The following KCNH1 variants were observed in gnomAD, a reference collection of about 807,000 sequenced individuals.
KCNH1 encodes potassium voltage-gated channel subfamily H member 1, also known as voltage-gated delayed rectifier potassium channel KCNH1.
In KCNH1, 27 loss-of-function variants were observed where a neutral mutation model predicts 69.2. That is an observed-to-expected ratio of 0.39 (90% CI 0.29 to 0.54). The LOEUF (loss-of-function observed/expected upper bound fraction) is 0.54. Ranked by LOEUF, KCNH1 falls within the 20% of genes least tolerant of loss-of-function variation. The pLI is 0.68. For missense variants in KCNH1, 798 were observed against 1,261.6 expected, an observed-to-expected ratio of 0.63 and a Z score of 5.57; for synonymous variants, 456 against 487.7, an observed-to-expected ratio of 0.93 and a Z score of 0.86.
chr1:211,005,725 A>G (rs1413110310), intron 6 of KCNH1, among the ~76,000 whole-genome samples: 1 of 152,190 alleles, frequency 6.6e-6, no homozygotes, highest in Non-Finnish European at 1.5e-5. Flanking sequence ...AAAGCACATA[A>G]ATGAAAAATT....
chr1:210,990,216 T>C (rs896634188), intron 6 of KCNH1, among the ~76,000 whole-genome samples: 1 of 152,228 alleles, frequency 6.6e-6, no homozygotes, highest in Non-Finnish European at 1.5e-5. Flanking sequence ...TCCAGAGATT[T>C]ATACAGCAAG....
chr1:210,986,211 C>A (rs545015169), intron 6 of KCNH1, among the ~76,000 whole-genome samples: 55 of 152,310 alleles, frequency 3.6e-4, no homozygotes, highest in Middle Eastern at 3.4e-3. Flanking sequence ...GAATACAGCA[C>A]ACTGATGGGT....
intron 6 of KCNH1, among the ~76,000 whole-genome samples, chr1:210,993,615 A>G (rs758768170): frequency 6.6e-6 from 1 of 152,240 alleles, no homozygotes; most frequent in Non-Finnish European, 1.5e-5. Context: ...ATTCCCATGA[A>G]AAGTTTTAAT....
intron 10 of KCNH1, among the ~76,000 whole-genome samples, chr1:210,773,384 A>G (rs1184670679): frequency 6.6e-6 from 1 of 152,154 alleles, no homozygotes; most frequent in African/African-American, 2.4e-5. Flanking sequence ...ATCCTCAAAT[A>G]TTTATTAATT....
At chr1:211,052,371 A>G (rs1331060366) in intron 5 of KCNH1, among the ~76,000 whole-genome samples, 1 of 152,196 alleles carries the variant, frequency 6.6e-6, no homozygotes, top group Non-Finnish European at 1.5e-5. Flanking sequence ...CTTACAACCT[A>G]CAGTCACAGC....
chr1:210,984,346 T>C (rs1295520577), intron 6 of KCNH1, among the ~76,000 whole-genome samples: 1 of 152,226 alleles, frequency 6.6e-6, no homozygotes, highest in Non-Finnish European at 1.5e-5. Context: ...ATCCCTGTCT[T>C]GTGCCAGTTT....
chr1:210,928,335 A>G (rs1391535728), intron 6 of KCNH1, among the ~76,000 whole-genome samples: 1 of 152,226 alleles, frequency 6.6e-6, no homozygotes, highest in Non-Finnish European at 1.5e-5. Flanking sequence ...GGCCTCAGTA[A>G]AATTAAGAAA....
intron 6 of KCNH1, among the ~76,000 whole-genome samples, chr1:210,925,458 G>T (rs1466196544): frequency 6.6e-6 from 1 of 152,220 alleles, no homozygotes; most frequent in Non-Finnish European, 1.5e-5. Context: ...TCAGTAGGGA[G>T]GCTCACGGCC....
chr1:210,840,126 C>G (rs1244662765), intron 7 of KCNH1, among the ~76,000 whole-genome samples: 1 of 152,160 alleles, frequency 6.6e-6, no homozygotes, highest in African/African-American at 2.4e-5. Context: ...GACAAAATGT[C>G]TCTCAACCAC....
At chr1:211,035,523 C>T (rs912882118) in intron 5 of KCNH1, among the ~76,000 whole-genome samples, 19 of 151,778 alleles carry the variant, frequency 1.3e-4, no homozygotes, top group South Asian at 4.2e-4. Flanking sequence ...GCTGGGATTA[C>T]GGGTACTGGC....
intron 7 of KCNH1, among the ~76,000 whole-genome samples, chr1:210,824,992 T>C (rs1022754985): frequency 6.6e-6 from 1 of 152,224 alleles, no homozygotes; most frequent in South Asian, 2.1e-4. Flanking sequence ...AGTCTTTTTA[T>C]TGGAAACTAT....
At position 210,943,147 on chromosome 1, in the gene KCNH1, T is replaced by C. The variant is rs528895121; in HGVS notation, c.1033-23078A>G. Among the ~76,000 whole-genome samples the C allele has an allele frequency of 2.0e-5, 3 of 152,240 alleles. No homozygotes were observed. The South Asian group carries it at 6.2e-4, about 32-fold the overall frequency. On this transcript the variant is annotated intron_variant, in intron 6 of 10. Coordinates refer to ENST00000271751, the MANE Select transcript of KCNH1 (RefSeq NM_172362.3). ...TAATGAACTGTTGGACAAGCCGCCA[T>C]GAGGATGAGTTCTGTTGATTACAAT...
intron 10 of KCNH1, among the ~76,000 whole-genome samples, chr1:210,698,190 T>C (rs1333381060): frequency 6.6e-6 from 1 of 152,184 alleles, no homozygotes; most frequent in Non-Finnish European, 1.5e-5. Flanking sequence ...ACCTATAAGC[T>C]ACCCAGCCCA....
intron 1 of KCNH1, among the ~76,000 whole-genome samples, chr1:211,118,747 T>C (rs1336365684): frequency 6.6e-6 from 1 of 152,178 alleles, no homozygotes; most frequent in Non-Finnish European, 1.5e-5. Context: ...CCATAAAGCA[T>C]AACACAGAGA....
intron 6 of KCNH1, among the ~76,000 whole-genome samples, chr1:210,995,229 G>A (rs558625426): frequency 3.9e-5 from 6 of 152,090 alleles, no homozygotes; most frequent in Admixed American, 6.5e-5. Context: ...GATTCAAGAG[G>A]CTTATATTTT....
chr1:210,795,801 C>A (rs1684298937), intron 9 of KCNH1, among the ~76,000 whole-genome samples: 1 of 152,022 alleles, frequency 6.6e-6, no homozygotes, highest in African/African-American at 2.4e-5. Context: ...CAGTACCTGG[C>A]AACTTAATGG....
In KCNH1 at chr1:210,870,213, C is replaced by T. The variant is rs77071264; in HGVS notation, c.1462+49427G>A. 1.1e-4 allele frequency among the ~76,000 whole-genome samples: 17 copies of T among 152,188 alleles called. No individual in the cohort carries two copies. The East Asian group carries it at 3.3e-3, about 29-fold the overall frequency. ...GTTTACAGTAAGAGAATAAGTCCAA[C>T]TCCATTCACTCTCTTGTGTCTGGAA... is the stretch of plus-strand genomic sequence containing the variant. On this transcript the variant is annotated intron_variant, in intron 7 of 10. Transcript: ENST00000271751.
chr1:210,734,555 C>T (rs920558425), intron 10 of KCNH1, among the ~76,000 whole-genome samples: 3 of 152,130 alleles, frequency 2.0e-5, no homozygotes, highest in Non-Finnish European at 2.9e-5. Context: ...TATAATCCCC[C>T]GCCACCCCCC....
intron 1 of KCNH1, among the ~76,000 whole-genome samples, chr1:211,116,067 T>C (rs1291042073): frequency 1.3e-5 from 2 of 151,856 alleles, no homozygotes; most frequent in Admixed American, 1.3e-4. Context: ...GCAAAAGAGG[T>C]CAAGGCTGCA....
Sources: gnomAD v4.1 joint callset for allele counts (sites outside exome capture counted in the v4.1 genomes callset) on GRCh38, gnomAD v4.1.1 for gene constraint, MANE v1.5 for transcripts, NCBI Gene and HGNC (gene_info 2026-07-23, HGNC 2026-07-21) for gene names.